CADM1: variants seen among roughly 807,000 people sequenced by gnomAD.
The protein encoded by CADM1 is cell adhesion molecule 1.
A neutral mutation model predicts 53.1 loss-of-function variants in CADM1; 15 were observed. That is an observed-to-expected ratio of 0.28 (90% CI 0.19 to 0.44). The LOEUF is 0.44. Ranked by LOEUF, CADM1 falls within the 20% of genes least tolerant of loss-of-function variation. The pLI, the probability that CADM1 is intolerant of heterozygous loss-of-function variation, is 1.00. For synonymous variants in CADM1, 281 were observed against 243.0 expected (o/e 1.16, Z -1.45); for missense variants, 434 against 611.3 (o/e 0.71, Z 3.06).
intron 1 of CADM1, among the ~76,000 whole-genome samples, chr11:115,494,809 GT>G (rs1949574645): frequency 6.6e-6 from 1 of 152,134 alleles, no homozygotes; most frequent in Admixed American, 6.5e-5. Flanking sequence ...CTACTTAAGA[GT>G]GTTCATATAT....
intron 1 of CADM1, among the ~76,000 whole-genome samples, chr11:115,396,143 C>G (rs1389878596): frequency 6.6e-6 from 1 of 152,172 alleles, no homozygotes; most frequent in Non-Finnish European, 1.5e-5. Flanking sequence ...ATGAGCACTA[C>G]AAAATTTGAC....
intron 1 of CADM1, among the ~76,000 whole-genome samples, chr11:115,401,441 T>C (rs1591781978): frequency 6.6e-6 from 1 of 152,248 alleles, no homozygotes; most frequent in Middle Eastern, 3.4e-3. Context: ...ACCCCATTTC[T>C]ACTAAAAACA....
intron 8 of CADM1, among the ~76,000 whole-genome samples, chr11:115,202,537 C>T (rs1177543195): frequency 1.3e-5 from 2 of 152,072 alleles, no homozygotes; most frequent in Admixed American, 6.5e-5. Context: ...TAAAAAAATG[C>T]ACGGTGTGAT....
intron 1 of CADM1, among the ~76,000 whole-genome samples, chr11:115,305,900 C>CAAAAAAA (rs35517673): frequency 2.1e-4 from 17 of 80,806 alleles, no homozygotes; most frequent in Admixed American, 3.0e-4. Context: ...GACTCCATCT[C>CAAAAAAA]AAAAAAAAAA....
intron 1 of CADM1, among the ~76,000 whole-genome samples, chr11:115,308,709 T>G (rs1190321729): frequency 6.6e-6 from 1 of 151,870 alleles, no homozygotes; most frequent in African/African-American, 2.4e-5. Flanking sequence ...CAGCAATCTT[T>G]TACTTTTTTC....
At chr11:115,430,944 C>A (rs906777178) in intron 1 of CADM1, among the ~76,000 whole-genome samples, 12 of 152,080 alleles carry the variant, frequency 7.9e-5, no homozygotes, top group Admixed American at 7.9e-4. Flanking sequence ...TGTTTGTTTC[C>A]GATATTGTCT....
At chr11:115,226,356 G>A (rs571467982) in intron 5 of CADM1, among the ~76,000 whole-genome samples, 12 of 152,216 alleles carry the variant, frequency 7.9e-5, no homozygotes, top group Admixed American at 6.5e-4. Flanking sequence ...AACCCTGAGG[G>A]GTAAATGGAC....
intron 1 of CADM1, among the ~76,000 whole-genome samples, chr11:115,435,826 T>C (rs138901868): frequency 1.9e-4 from 29 of 152,322 alleles, no homozygotes; most frequent in Admixed American, 9.2e-4. Context: ...CCGACCTGAG[T>C]GATTTTGCTG....
At chr11:115,387,011 A>G in intron 1 of CADM1, among the ~76,000 whole-genome samples, 1 of 152,198 alleles carries the variant, frequency 6.6e-6, no homozygotes, top group East Asian at 1.9e-4. Flanking sequence ...GAAGCAGGGA[A>G]CATAACCCAT....
In CADM1 at chr11:115,194,330, G is replaced by A. The variant is rs528050044; in HGVS notation, c.1112-3389C>T. ...ATAAAGTATAATAAGAAAATTGTAC[G>A]TGCTTTTAGAATTTGACCATGGTTT... On this transcript the variant is annotated intron_variant, in intron 9 of 11. Transcript: ENST00000331581. Among the ~76,000 whole-genome samples the A allele has an allele frequency of 4.6e-5, 7 of 152,274 alleles. No individual in the cohort carries two copies. The South Asian group carries it at 6.2e-4, about 14-fold the overall frequency.
At chr11:115,375,011 A>C (rs1259155783) in intron 1 of CADM1, among the ~76,000 whole-genome samples, 2 of 152,188 alleles carry the variant, frequency 1.3e-5, no homozygotes, top group African/African-American at 2.4e-5. Flanking sequence ...AGGTAAGAAA[A>C]TATTATTGTG....
intron 1 of CADM1, among the ~76,000 whole-genome samples, chr11:115,348,253 A>G (rs1430935367): frequency 6.6e-6 from 1 of 152,210 alleles, no homozygotes; most frequent in East Asian, 1.9e-4. Context: ...GATTGAAAAG[A>G]TTACTATAAG....
intron 9 of CADM1, among the ~76,000 whole-genome samples, chr11:115,193,380 A>T (rs1209822146): frequency 6.6e-6 from 1 of 152,224 alleles, no homozygotes; most frequent in African/African-American, 2.4e-5. Context: ...ATTATTTTTG[A>T]GCAATTAATA....
intron 11 of CADM1, among the ~76,000 whole-genome samples, chr11:115,177,980 T>C (rs1254251801): frequency 1.3e-5 from 2 of 151,736 alleles, no homozygotes; most frequent in African/African-American, 4.8e-5. Context: ...GAAGAATAAA[T>C]TACCAAGAGG....
intron 7 of CADM1, among the ~76,000 whole-genome samples, chr11:115,211,728 A>G (rs896890599): frequency 6.7e-6 from 1 of 150,122 alleles, no homozygotes; most frequent in Non-Finnish European, 1.5e-5. Context: ...TGACCTTGTG[A>G]TCCACCCACC....
intron 6 of CADM1, among the ~76,000 whole-genome samples, chr11:115,217,602 TA>T (rs770210010): frequency 6.6e-5 from 10 of 152,210 alleles, no homozygotes; most frequent in Non-Finnish European, 8.8e-5. Context: ...TTATTAGGAT[TA>T]TTTTTTTGTG....
At chr11:115,502,754 C>G (rs1949756998) in intron 1 of CADM1, among the ~76,000 whole-genome samples, 1 of 152,172 alleles carries the variant, frequency 6.6e-6, no homozygotes, top group African/African-American at 2.4e-5. Flanking sequence ...CCCCAAATCT[C>G]AAGCTAGCAC....
chr11:115,211,474 T>TC (rs941805991), intron 7 of CADM1, among the ~76,000 whole-genome samples: 5 of 98,422 alleles, frequency 5.1e-5, no homozygotes, highest in African/African-American at 1.2e-4. Context: ...TAATCCTATT[T>TC]CTTTTTTTTT....
intron 10 of CADM1, among the ~76,000 whole-genome samples, chr11:115,188,843 A>C (rs1210281126): frequency 6.6e-6 from 1 of 152,198 alleles, no homozygotes; most frequent in Non-Finnish European, 1.5e-5. Flanking sequence ...TCATAAAAAT[A>C]ATGTATTTTG....
Sources: allele counts gnomAD v4.1 joint callset (sites outside exome capture counted in the v4.1 genomes callset), GRCh38; gene constraint gnomAD v4.1.1; transcripts MANE v1.5; gene names NCBI Gene and HGNC (gene_info 2026-07-23, HGNC 2026-07-21).